The following SYNGR1 variants were observed in gnomAD, a reference collection of about 807,000 sequenced individuals.
The protein encoded by SYNGR1 is synaptogyrin 1, also known as synaptogyrin-1.
In SYNGR1, 14 loss-of-function variants were observed where a neutral mutation model predicts 26.1. The observed-to-expected ratio is 0.54, with a 90% CI of 0.35 to 0.84. The LOEUF is 0.84. Ranked by LOEUF, SYNGR1 falls within the 40% of genes least tolerant of loss-of-function variation. SYNGR1 has a pLI of 0.01. For missense variants in SYNGR1, 319 were observed against 332.9 expected, an observed-to-expected ratio of 0.96 and a Z score of 0.33; for synonymous variants, 141 against 150.1, an observed-to-expected ratio of 0.94 and a Z score of 0.44.
chr22:39,365,509 C>A (rs1924698793), intron 1 of SYNGR1, among the ~76,000 whole-genome samples: 2 of 152,188 alleles, frequency 1.3e-5, no homozygotes, highest in Non-Finnish European at 2.9e-5. Flanking sequence ...CTCCTCCTCC[C>A]ATGTACTGTG....
At chr22:39,368,992 G>A (rs1292648515) in intron 1 of SYNGR1, among the ~76,000 whole-genome samples, 1 of 152,170 alleles carries the variant, frequency 6.6e-6, no homozygotes, top group Non-Finnish European at 1.5e-5. Flanking sequence ...TTTTACAGAG[G>A]ACCAATCTGA....
At chr22:39,362,132 G>A (rs5757635) in intron 1 of SYNGR1, among the ~76,000 whole-genome samples, 1 of 151,706 alleles carries the variant, frequency 6.6e-6, no homozygotes, top group African/African-American at 2.4e-5. Flanking sequence ...ACACCCATGA[G>A]CCACCGTGCC....
At chr22:39,360,997 T>C (rs1924445722) in intron 1 of SYNGR1, among the ~76,000 whole-genome samples, 1 of 152,204 alleles carries the variant, frequency 6.6e-6, no homozygotes, top group Non-Finnish European at 1.5e-5. Context: ...GGAACTGCAC[T>C]GATCGGTCGT....
chr22:39,359,224 A>G (rs572347516), intron 1 of SYNGR1, among the ~76,000 whole-genome samples: 1 of 152,176 alleles, frequency 6.6e-6, no homozygotes, highest in East Asian at 1.9e-4. Context: ...TCCTGAGGCC[A>G]CTTACAGGAC....
Position 39,376,340 on chromosome 22 carries a change from G to A in SYNGR1, c.483+143G>A, listed in dbSNP as rs568244687. 2.8e-6 allele frequency: 4 copies of A among 1,407,908 alleles called. No homozygotes were observed. The East Asian group carries it at 9.3e-5, about 33-fold the overall frequency. 87.2% of individuals were successfully genotyped at this position (1,407,908 alleles called of 1,614,324 possible). A position where few individuals can be genotyped will look rare whatever the true frequency, so the allele number is the denominator to read the frequency against. On this transcript the variant is annotated intron_variant, in intron 3 of 3. Coordinates refer to ENST00000328933, the MANE Select transcript of SYNGR1 (RefSeq NM_004711.5). ...CGCTCCCTCTTCTGCCTGCCTGTCT[G>A]CGGCGCTCACAGTGGTGCTGCCTCC...
chr22:39,377,457 C>T, intron 3 of SYNGR1: 1 of 1,519,140 alleles, frequency 6.6e-7, no homozygotes, highest in African/African-American at 1.4e-5. Flanking sequence ...GCGGGGCTCA[C>T]AGAGGAGTAG....
At chr22:39,366,714 C>CT (rs1235053730) in intron 1 of SYNGR1, among the ~76,000 whole-genome samples, 1 of 152,220 alleles carries the variant, frequency 6.6e-6, no homozygotes, top group Non-Finnish European at 1.5e-5. Context: ...AGCCCCAGGC[C>CT]TGTCCCTCAC....
In SYNGR1 at chr22:39,384,916, C is replaced by T. The variant is rs748031019; in HGVS notation, c.*3002C>T. On this transcript the variant is annotated 3_prime_UTR_variant, in exon 4 of 4. Transcript: ENST00000328933. The stretch of plus-strand genomic sequence containing the variant: ...TCAGGTCTTCTGCCTTCTGAGTTGG[C>T]TCATCCTGGGCAGTCACAGACTGTC... 2.5e-5 allele frequency: 10 copies of T among 398,788 alleles called. No homozygotes were observed. The highest frequency in any genetic ancestry group is 8.8e-5 in the Admixed American group (2 of 22,718). The allele number at this position is 398,788 out of a possible 1,614,324, so 24.7% of individuals were successfully genotyped here. A position where few individuals can be genotyped will look rare whatever the true frequency, so the allele number is the denominator to read the frequency against.
chr22:39,366,543 G>A (rs1924768275), intron 1 of SYNGR1, among the ~76,000 whole-genome samples: 1 of 152,076 alleles, frequency 6.6e-6, no homozygotes, highest in Non-Finnish European at 1.5e-5. Context: ...CTACTCAGGA[G>A]GCTGAGGCAG....
intron 1 of SYNGR1, among the ~76,000 whole-genome samples, chr22:39,358,986 A>G (rs113333065): frequency 6.6e-6 from 1 of 152,244 alleles, no homozygotes; most frequent in Non-Finnish European, 1.5e-5. Context: ...CCAAGCTGCA[A>G]TCATGCAGGA....
In SYNGR1 at chr22:39,350,178, C is replaced by A; in HGVS notation, c.99+69C>A. 8.8e-7 allele frequency: 1 copy of A among 1,138,510 alleles called. No homozygotes were observed. The highest frequency in any genetic ancestry group is 1.1e-6 in the Non-Finnish European group (1 of 894,610). The allele number at this position is 1,138,510 out of a possible 1,614,324, so 70.5% of individuals were successfully genotyped here. A position where few individuals can be genotyped will look rare whatever the true frequency, so the allele number is the denominator to read the frequency against. Reference sequence around the variant, plus strand: ...GGGGTGTGAGCAAAGGCGGCGCGCCCGGACCGACCCCGACCCCGACCCCAA... The same window carrying A: ...GGGGTGTGAGCAAAGGCGGCGCGCCAGGACCGACCCCGACCCCGACCCCAA... On this transcript the variant is annotated intron_variant, in intron 1 of 3. Coordinates refer to ENST00000328933, the MANE Select transcript of SYNGR1 (RefSeq NM_004711.5). The surrounding 1 kb of genome is among the most constrained non-coding windows in gnomAD (Gnocchi z 4.3).
intron 3 of SYNGR1, 35 bp from the exon 4 acceptor site, chr22:39,381,661 C>G: frequency 6.2e-7 from 1 of 1,611,124 alleles, no homozygotes; most frequent in Non-Finnish European, 8.5e-7. Context: ...CACCCCCTCC[C>G]GCCTGTCCTT....
intron 1 of SYNGR1, among the ~76,000 whole-genome samples, chr22:39,354,035 TAA>T (rs1924033821): frequency 1.3e-5 from 2 of 152,180 alleles, no homozygotes; most frequent in Non-Finnish European, 2.9e-5. Flanking sequence ...AGCTACTTTT[TAA>T]ATTTTTAGTA....
rs77470051 is a variant in SYNGR1, at chr22:39,364,068, TC to T, written c.100-10246del. The T allele has an allele frequency of 0.012, 18,718 of 1,521,724 alleles. 1,892 individuals are homozygous for T. In the African/African-American group the frequency reaches 0.22, roughly 18 times the overall value. The allele number at this position is 1,521,724 out of a possible 1,614,324, so 94.3% of individuals were successfully genotyped here. ...TCGTTAGCCGACGCCCTGCAGTGGG[TC>T]CTAGGCACACCCTGGGTGGTCTGTC... On this transcript the variant is annotated intron_variant, in intron 1 of 3. Transcript: ENST00000328933.
In SYNGR1 at chr22:39,370,939, C is replaced by T. The variant is rs115055577; in HGVS notation, c.100-3377C>T. On this transcript the variant is annotated intron_variant, in intron 1 of 3. Coordinates refer to ENST00000328933, the MANE Select transcript of SYNGR1 (RefSeq NM_004711.5). ...CCTGGCCGGTCTCTAAACTTTTAAT[C>T]GTGCTCCTTTCAGGAAAAATGTTTG... Among the ~76,000 whole-genome samples the T allele has an allele frequency of 7.0e-3, 1,066 of 152,188 alleles. 20 individuals carry two copies. The highest frequency in any genetic ancestry group is 0.025 in the African/African-American group (1,024 of 41,522).
chr22:39,356,092 G>T (rs550927026), intron 1 of SYNGR1, among the ~76,000 whole-genome samples: 10 of 152,198 alleles, frequency 6.6e-5, no homozygotes, highest in Admixed American at 1.3e-4. Flanking sequence ...TTTGAGACAG[G>T]GTCTCGCTCT....
Position 39,364,329 on chromosome 22 carries a change from G to A in SYNGR1, c.100-9987G>A. 3 of 1,613,918 alleles carry A rather than the reference G, an allele frequency of 1.9e-6. 1 individual carries two copies. The South Asian group carries it at 3.3e-5, about 18-fold the overall frequency. On this transcript the variant is annotated intron_variant, in intron 1 of 3. Coordinates refer to ENST00000328933, the MANE Select transcript of SYNGR1 (RefSeq NM_004711.5). ...CCCCATCTGCTGTGGGTCAGCGAGA[G>A]GCAGGGCCTCTCTGAGCCTTAGCCT...
At chr22:39,366,357 AT>A (rs1160902964) in intron 1 of SYNGR1, among the ~76,000 whole-genome samples, 7 of 151,552 alleles carry the variant, frequency 4.6e-5, no homozygotes, top group Non-Finnish European at 1.0e-4. Context: ...CTTTCAAAAT[AT>A]ATTCAGGCCG....
rs1422184053 is a variant in SYNGR1, at chr22:39,384,606, G to C, written c.*2692G>C. On this transcript the variant is annotated 3_prime_UTR_variant, in exon 4 of 4. Transcript: ENST00000328933. ...GAAACTCGCTCCTTCTGTTGGCAGA[G>C]GACAGCCCCTGGGGAACCCCAGGCC... 4 of 398,762 alleles carry C rather than the reference G, an allele frequency of 1.0e-5. No individual in the cohort carries two copies. In the Admixed American group the frequency reaches 1.8e-4, roughly 18 times the overall value. The allele number at this position is 398,762 out of a possible 1,614,324, so 24.7% of individuals were successfully genotyped here. A position where few individuals can be genotyped will look rare whatever the true frequency, so the allele number is the denominator to read the frequency against.
Sources: gnomAD v4.1 joint callset for allele counts (sites outside exome capture counted in the v4.1 genomes callset) on GRCh38, gnomAD v4.1.1 for gene constraint, Gnocchi (gnomAD v3.1) non-coding constraint, MANE v1.5 for transcripts, NCBI Gene and HGNC (gene_info 2026-07-23, HGNC 2026-07-21) for gene names.